The following C16orf89 variants were observed in gnomAD, a reference collection of about 807,000 sequenced individuals.
The protein encoded by C16orf89 is chromosome 16 open reading frame 89.
Under a neutral mutation model 41.5 loss-of-function variants are expected in C16orf89, and 57 were observed. The ratio of observed to expected loss-of-function variants is 1.38; its 90% confidence interval spans 1.11 to 1.71. The LOEUF is 1.71. Ranked by LOEUF, C16orf89 falls within the 40% of genes most tolerant of loss-of-function variation. The pLI, the probability that C16orf89 is intolerant of heterozygous loss-of-function variation, is 0.00. For synonymous variants in C16orf89, 223 were observed against 190.6 expected, an observed-to-expected ratio of 1.17 and a Z score of -1.40; for missense variants, 575 against 445.9, an observed-to-expected ratio of 1.29 and a Z score of -2.61.
At chr16:5,044,856 A>C in intron 7 of C16orf89, 1 of 1,256,812 alleles carries the variant, frequency 8.0e-7, no homozygotes, top group Non-Finnish European at 1.0e-6. Context: ...AAAAAAAAAA[A>C]GTGCTTTTCA....
intron 2 of C16orf89, among the ~76,000 whole-genome samples, chr16:5,061,572 GT>G (rs1937887905): frequency 6.7e-6 from 1 of 149,246 alleles, no homozygotes; most frequent in African/African-American, 2.5e-5. Flanking sequence ...AGACCTTTTG[GT>G]TTGGTGAGAA....
chr16:5,048,198 A>T (rs1469266130), intron 6 of C16orf89, among the ~76,000 whole-genome samples: 20 of 151,890 alleles, frequency 1.3e-4, no homozygotes, highest in Admixed American at 6.6e-5. Flanking sequence ...CCAGCTATTT[A>T]AAAAAAATTT....
chr16:5,051,186 C>G (rs1186170030), intron 6 of C16orf89, among the ~76,000 whole-genome samples: 1 of 152,056 alleles, frequency 6.6e-6, no homozygotes, highest in African/African-American at 2.4e-5. Context: ...TGACATAATA[C>G]TAGAAGTCTT....
In C16orf89 at chr16:5,060,275, G is replaced by C; in HGVS notation, c.509+11C>G. On this transcript the variant is annotated intron_variant, in intron 3 of 7. Coordinates refer to ENST00000472572, the MANE Select transcript of C16orf89 (RefSeq NM_001098514.3). ...TGGGTTTCCAGCAAATAGGGCAAGT[G>C]CAGGGCCCACCCGGTTCCCAGCAGC... 1.9e-6 allele frequency: 3 copies of C among 1,601,180 alleles called. No homozygotes were observed. The highest frequency in any genetic ancestry group is 2.6e-6 in the Non-Finnish European group (3 of 1,172,738).
At position 5,055,668 on chromosome 16, in the gene C16orf89, G is replaced by A. The variant is rs1478901634; in HGVS notation, c.764-318C>T. ...GTCTGCCTCATCCATAAGGCTTTGT[G>A]GGTCTGTCTGCCAGTCACCTGGTCC... On this transcript the variant is annotated intron_variant, in intron 5 of 7. Transcript: ENST00000472572. 2.6e-6 allele frequency: 4 copies of A among 1,531,458 alleles called. No individual in the cohort carries two copies. The East Asian group carries it at 9.8e-5, about 37-fold the overall frequency. The allele number at this position is 1,531,458 out of a possible 1,614,324, so 94.9% of individuals were successfully genotyped here.
chr16:5,062,226 G>C (rs1956641028), intron 2 of C16orf89, among the ~76,000 whole-genome samples, 199 bp downstream of exon 2: 1 of 152,164 alleles, frequency 6.6e-6, no homozygotes, highest in Non-Finnish European at 1.5e-5. Flanking sequence ...GTGTGGGTAG[G>C]AGAGCCCGTC....
At chr16:5,055,701 T>G (rs1055263724) in intron 5 of C16orf89, 16 of 1,535,718 alleles carry the variant, frequency 1.0e-5, no homozygotes, top group Admixed American at 5.9e-5. Flanking sequence ...TCCATCTGTG[T>G]AGAGCTCCGT....
At chr16:5,058,759 T>C in intron 3 of C16orf89, 149 bp from the exon 4 acceptor site, 1 of 590,696 alleles carries the variant, frequency 1.7e-6, no homozygotes, top group Non-Finnish European at 2.9e-6. Context: ...ACAGCAGTCC[T>C]GCATTTTGAT....
intron 6 of C16orf89, among the ~76,000 whole-genome samples, chr16:5,050,251 C>A (rs1019637478): frequency 1.3e-5 from 2 of 152,044 alleles, no homozygotes; most frequent in African/African-American, 4.8e-5. Context: ...GCCTGTAATT[C>A]CAGCTACTTG....
At position 5,065,937 on chromosome 16, in the gene C16orf89, C is replaced by T. The variant is rs191347769; in HGVS notation, c.-29G>A. On this transcript the variant is annotated 5_prime_UTR_variant, in exon 1 of 8. The change creates a new upstream start codon in the 5' untranslated region. Transcript: ENST00000472572. The stretch of plus-strand genomic sequence containing the variant: ...CGGCCTCTGCTCACTGCTGGTCACA[C>T]GCTCAGCACCCTGAGCTCTGGCCAA... 1.6e-5 allele frequency: 26 copies of T among 1,607,256 alleles called. No individual in the cohort carries two copies. Among genetic ancestry groups the T allele is most frequent in the South Asian group, 1.0e-4 (9 of 90,162 alleles).
At chr16:5,064,417 C>A (rs1956693473) in intron 1 of C16orf89, among the ~76,000 whole-genome samples, 1 of 152,144 alleles carries the variant, frequency 6.6e-6, no homozygotes, top group African/African-American at 2.4e-5. Flanking sequence ...GTACTGAGCC[C>A]CACTGGTAAG....
In C16orf89 at chr16:5,062,591, T is replaced by C. The variant is rs1316927828; in HGVS notation, c.209-17A>G. ...TTAGCTGCTCTGGAAGGGAACAGAGTTAATTCATTCAACTATTTGGAATCG... is the reference window on the plus strand; with the variant it reads ...TTAGCTGCTCTGGAAGGGAACAGAGCTAATTCATTCAACTATTTGGAATCG... On this transcript the variant is annotated splice_polypyrimidine_tract_variant and intron_variant, in intron 1 of 7. Transcript: ENST00000472572. The C allele has an allele frequency of 6.4e-7, 1 of 1,566,086 alleles. No homozygotes were observed. Among genetic ancestry groups the C allele is most frequent in the Non-Finnish European group, 8.6e-7 (1 of 1,157,008 alleles).
At chr16:5,042,813 T>A (rs2142582970), downstream of C16orf89, 1 of 152,308 alleles carries the variant, frequency 6.6e-6, no homozygotes, top group Admixed American at 6.5e-5. This position sits in a 1 kb window ranked among gnomAD's most constrained non-coding sequence, Gnocchi z 4.2. Flanking sequence ...GTGTCAGAGC[T>A]CCAGGGAACA....
At chr16:5,060,246 C>T (rs376569625) in intron 3 of C16orf89, 40 bp downstream of exon 3, 11 of 1,569,706 alleles carry the variant, frequency 7.0e-6, no homozygotes, top group African/African-American at 2.7e-5. Flanking sequence ...AGAACTAGTG[C>T]GTTTGGGTTT....
chr16:5,044,016 G>A, downstream of C16orf89: 1 of 626,798 alleles, frequency 1.6e-6, no homozygotes, highest in Non-Finnish European at 2.0e-6. Context: ...AAAAAAAAAG[G>A]AAAAAAGAAA....
intron 4 of C16orf89, among the ~76,000 whole-genome samples, chr16:5,057,688 C>G (rs954189383): frequency 6.6e-5 from 10 of 151,522 alleles, no homozygotes; most frequent in South Asian, 4.2e-4. Context: ...GCCACTATGC[C>G]CGACTAATTT....
intron 6 of C16orf89, among the ~76,000 whole-genome samples, chr16:5,048,422 A>G (rs946677167): frequency 6.6e-6 from 1 of 152,204 alleles, no homozygotes; most frequent in East Asian, 1.9e-4. Context: ...ACTTGAGGCT[A>G]TTCCGGAAGT....
chr16:5,059,901 C>T (rs1204751504), intron 3 of C16orf89, among the ~76,000 whole-genome samples: 4 of 151,070 alleles, frequency 2.6e-5, no homozygotes, highest in African/African-American at 4.9e-5. Flanking sequence ...TTCCTGAGGC[C>T]CAGGGGGTGG....
Position 5,056,124 on chromosome 16 carries a change from A to C in C16orf89, c.692T>G (p.Met231Arg). ...QDYINLFCAN[M>R]MDLNRRAEAI... The stretch of plus-strand genomic sequence containing the variant: ...CTCAGCTCTGCGGTTCAAGTCCATC[A>C]TGTTGGCGCAGAAGAGGTTGATATA... The change falls in exon 5 of 8, where the codon ATG becomes AGG. Residue 231 changes from methionine (M) to arginine (R), a missense_variant. Transcript: ENST00000472572. The C allele has an allele frequency of 6.3e-7, 1 of 1,599,736 alleles. No homozygotes were observed. Among genetic ancestry groups the C allele is most frequent in the South Asian group, 1.1e-5 (1 of 90,826 alleles).
Sources: gnomAD v4.1 joint callset for allele counts (sites outside exome capture counted in the v4.1 genomes callset) on GRCh38, gnomAD v4.1.1 for gene constraint, Gnocchi (gnomAD v3.1) non-coding constraint, MANE v1.5 for transcripts, NCBI Gene and HGNC (gene_info 2026-07-23, HGNC 2026-07-21) for gene names.